The following CELF2 variants were observed in gnomAD, a reference collection of about 807,000 sequenced individuals.
The protein encoded by CELF2 is CUG triplet repeat RNA-binding protein 2.
Under a neutral mutation model 62.6 loss-of-function variants are expected in CELF2, and 8 were observed. The observed-to-expected ratio is 0.13, with a 90% CI of 0.07 to 0.23. CELF2 has a LOEUF of 0.23. CELF2 is among the 10% of genes least tolerant of loss of function. The pLI, the probability that CELF2 is intolerant of heterozygous loss-of-function variation, is 1.00. For synonymous variants in CELF2, 258 were observed against 250.0 expected (o/e 1.03, Z -0.30); for missense variants, 333 against 671.0 (o/e 0.50, Z 5.56).
chr10:11,104,364 A>G (rs538884405), intron 1 of CELF2, among the ~76,000 whole-genome samples: 1 of 152,312 alleles, frequency 6.6e-6, no homozygotes, highest in African/African-American at 2.4e-5. Flanking sequence ...GACCTTATGA[A>G]CCTAAGTATT....
the CELF2 span, among the ~76,000 whole-genome samples, chr10:10,568,310 GA>G: frequency 1.6e-4 from 23 of 148,236 alleles, no homozygotes; most frequent in East Asian, 1.4e-3. Flanking sequence ...TGAGTCCGGA[GA>G]AAAAAAAAAG....
chr10:10,821,809 T>A (rs1319608744), intron 1 of CELF2, among the ~76,000 whole-genome samples: 1 of 152,110 alleles, frequency 6.6e-6, no homozygotes, highest in Non-Finnish European at 1.5e-5. Context: ...CCAGCTAATT[T>A]TTTAAATTTT....
At chr10:10,587,717 T>C in the CELF2 span, among the ~76,000 whole-genome samples, 1 of 152,274 alleles carries the variant, frequency 6.6e-6, no homozygotes, top group East Asian at 1.9e-4. Flanking sequence ...GCCCTAGAAT[T>C]GCATTCTGAG....
the CELF2 span, among the ~76,000 whole-genome samples, chr10:10,699,892 G>A: frequency 6.6e-6 from 1 of 152,198 alleles, no homozygotes; most frequent in Non-Finnish European, 1.5e-5. Flanking sequence ...GTAGTTTCCA[G>A]TTCTCACAGC....
rs2046691310 is a variant in CELF2 at position 10,938,772 on chromosome 10, T to TAGTG, written c.89+18774_89+18777dup. 6.6e-6 allele frequency among the ~76,000 whole-genome samples: 1 copy of TAGTG among 152,034 alleles called. No individual in the cohort carries two copies. Among genetic ancestry groups the TAGTG allele is most frequent in the East Asian group, 1.9e-4 (1 of 5,184 alleles). On this transcript the variant is annotated intron_variant, in intron 2 of 13. Coordinates refer to the CELF2 transcript ENST00000636488. The surrounding 1 kb of genome is among the most constrained non-coding windows in gnomAD (Gnocchi z 4.2). ...CAGCAAAGCCTGAGTGTAGGTGGGT[T>TAGTG]AGTGCCTGGACAACTCAGGCTCGAG... is the stretch of plus-strand genomic sequence containing the variant.
At chr10:10,808,876 A>C (rs2055530106) in intron 1 of CELF2, among the ~76,000 whole-genome samples, 1 of 152,208 alleles carries the variant, frequency 6.6e-6, no homozygotes, top group Non-Finnish European at 1.5e-5. Flanking sequence ...AGAAAGAGAA[A>C]ACCAAACCAA....
chr10:10,695,778 C>G, the CELF2 span, among the ~76,000 whole-genome samples: 1 of 152,122 alleles, frequency 6.6e-6, no homozygotes, highest in East Asian at 1.9e-4. Flanking sequence ...TGCTGATACC[C>G]TTTCTTCCAG....
At chr10:11,042,011 C>G (rs2061931707) in intron 1 of CELF2, among the ~76,000 whole-genome samples, 1 of 152,048 alleles carries the variant, frequency 6.6e-6, no homozygotes, top group African/African-American at 2.4e-5. Context: ...CATAGTTAGC[C>G]ATGGGTAGAC....
intron 2 of CELF2, among the ~76,000 whole-genome samples, chr10:10,967,462 C>G (rs534877544): frequency 6.6e-6 from 1 of 152,042 alleles, no homozygotes; most frequent in East Asian, 1.9e-4. Context: ...GAGAAGTAGG[C>G]ATCGAGAGGG....
intron 1 of CELF2, among the ~76,000 whole-genome samples, chr10:11,079,578 A>T (rs2073291196): frequency 2.0e-5 from 3 of 152,094 alleles, no homozygotes; most frequent in Non-Finnish European, 4.4e-5. Flanking sequence ...TTCACTTGGC[A>T]TTCATTCTCA....
chr10:11,228,598 A>T (rs566128227), intron 3 of CELF2, among the ~76,000 whole-genome samples: 15 of 152,160 alleles, frequency 9.9e-5, no homozygotes, highest in South Asian at 8.3e-4. Flanking sequence ...CAATTTACTA[A>T]TATTTGTAAG....
chr10:10,977,003 C>G (rs1010087589), intron 2 of CELF2, among the ~76,000 whole-genome samples: 4 of 150,076 alleles, frequency 2.7e-5, no homozygotes, highest in Admixed American at 6.6e-5. Context: ...GACTGTGTCC[C>G]AGAAAGAAAT....
chr10:11,004,275 G>C (rs1245266032), upstream of CELF2, among the ~76,000 whole-genome samples: 3 of 152,170 alleles, frequency 2.0e-5, no homozygotes, highest in African/African-American at 7.2e-5. This position sits in a 1 kb window ranked among gnomAD's most constrained non-coding sequence, Gnocchi z 5.0. Context: ...GTCTGTTTGA[G>C]GCTGTTCTAT....
At chr10:10,965,993 A>C (rs775852877) in intron 2 of CELF2, among the ~76,000 whole-genome samples, 1 of 152,222 alleles carries the variant, frequency 6.6e-6, no homozygotes, top group Non-Finnish European at 1.5e-5. Context: ...CCCTAACACA[A>C]AATATTTCTA....
the CELF2 span, among the ~76,000 whole-genome samples, chr10:10,479,144 A>G: frequency 1.3e-5 from 2 of 152,068 alleles, no homozygotes; most frequent in Non-Finnish European, 2.9e-5. Flanking sequence ...TCTCATCTTT[A>G]TTAGAGATGG....
At chr10:11,248,519 A>G (rs568808963) in intron 3 of CELF2, among the ~76,000 whole-genome samples, 2 of 152,284 alleles carry the variant, frequency 1.3e-5, no homozygotes, top group Non-Finnish European at 1.5e-5. Context: ...AATAAAAATT[A>G]TATACTGATA....
chr10:10,950,471 T>C (rs2048196913), intron 2 of CELF2, among the ~76,000 whole-genome samples: 1 of 152,190 alleles, frequency 6.6e-6, no homozygotes. Context: ...GAGGAAGTGA[T>C]ACCGTTCTTA....
chr10:10,512,401 C>CTTTTTTTTTT, the CELF2 span, among the ~76,000 whole-genome samples: 1 of 109,148 alleles, frequency 9.2e-6, no homozygotes, highest in Non-Finnish European at 1.8e-5. Flanking sequence ...TTTTGGAACG[C>CTTTTTTTTTT]TTTTTTTTTT....
intron 11 of CELF2, among the ~76,000 whole-genome samples, chr10:11,323,588 A>G (rs2095568288): frequency 6.6e-6 from 1 of 152,122 alleles, no homozygotes; most frequent in Admixed American, 6.6e-5. Context: ...GGCGAGTCCC[A>G]TGAGGAATGG....
Sources: gnomAD v4.1 joint callset for allele counts (sites outside exome capture counted in the v4.1 genomes callset) on GRCh38, gnomAD v4.1.1 for gene constraint, Gnocchi (gnomAD v3.1) non-coding constraint, MANE v1.5 for transcripts, NCBI Gene and HGNC (gene_info 2026-07-23, HGNC 2026-07-21) for gene names.